NRXN3: variants seen among roughly 807,000 people sequenced by gnomAD.
NRXN3 encodes the protein neurexin 3, also known as neurexin III.
Under a neutral mutation model 137.6 loss-of-function variants are expected in NRXN3, and 32 were observed. The ratio of observed to expected loss-of-function variants is 0.23; its 90% CI spans 0.18 to 0.31. The LOEUF (loss-of-function observed/expected upper bound fraction) is 0.31, where lower values mean the gene tolerates loss of function less well. Among genes scored for constraint, NRXN3 ranks in the 10% least tolerant of loss-of-function variants. NRXN3 has a pLI of 1.00. For synonymous variants in NRXN3, 798 were observed against 784.5 expected (o/e 1.02, Z -0.29); for missense variants, 1,574 against 2,062.5 (o/e 0.76, Z 4.59).
intron 19 of NRXN3, among the ~76,000 whole-genome samples, chr14:79,779,890 A>C (rs1253934227): frequency 3.3e-5 from 5 of 152,096 alleles, no homozygotes; most frequent in Non-Finnish European, 5.9e-5. Flanking sequence ...TTTGAGACAG[A>C]GTCTTGCTCT....
At chr14:79,499,131 C>A (rs1230371304) in intron 16 of NRXN3, among the ~76,000 whole-genome samples, 5 of 152,132 alleles carry the variant, frequency 3.3e-5, no homozygotes, top group Admixed American at 3.3e-4. Flanking sequence ...CAATTAAAAT[C>A]CTCATGTAGC....
At chr14:78,822,971 C>A (rs919686094) in intron 10 of NRXN3, among the ~76,000 whole-genome samples, 2 of 152,138 alleles carry the variant, frequency 1.3e-5, no homozygotes, top group African/African-American at 2.4e-5. Flanking sequence ...GAAGTCTTGA[C>A]CTTCCAGAGT....
intron 15 of NRXN3, among the ~76,000 whole-genome samples, chr14:79,057,477 T>C (rs2099667278): frequency 6.6e-6 from 1 of 152,146 alleles, no homozygotes; most frequent in Admixed American, 6.6e-5. Flanking sequence ...ATAAACAAAA[T>C]GGTTTAGGAA....
chr14:79,496,214 TTCTCTCTC>T (rs149328690), intron 16 of NRXN3, among the ~76,000 whole-genome samples: 3 of 144,644 alleles, frequency 2.1e-5, no homozygotes, highest in East Asian at 2.0e-4. Flanking sequence ...TTGAACTTAA[TTCTCTCTC>T]TCTCTCTCTC....
intron 3 of NRXN3, among the ~76,000 whole-genome samples, chr14:78,292,002 G>A (rs1040791543): frequency 4.6e-5 from 7 of 152,198 alleles, no homozygotes; most frequent in African/African-American, 1.4e-4. Context: ...AAGAAGAATG[G>A]ATTTGAAAAC....
chr14:78,790,687 C>T (rs1426082320), intron 8 of NRXN3, among the ~76,000 whole-genome samples: 1 of 152,070 alleles, frequency 6.6e-6, no homozygotes, highest in Non-Finnish European at 1.5e-5. Context: ...AGGAGAGTGT[C>T]TTGAAGGTAC....
intron 4 of NRXN3, among the ~76,000 whole-genome samples, chr14:78,502,868 C>A (rs1191861203): frequency 6.6e-6 from 1 of 152,156 alleles, no homozygotes; most frequent in Non-Finnish European, 1.5e-5. Flanking sequence ...CAGTGGTTGG[C>A]TGCTCTTAAG....
chr14:79,866,952 G>A lies in NRXN3; in HGVS notation c.*4988G>A, dbSNP rs1011165969. On this transcript the variant is annotated 3_prime_UTR_variant, in exon 21 of 21. Transcript: ENST00000335750. Reference sequence around the variant, plus strand: ...GTCCACTGACAGCACCAGTAGGAAGGCGCTAATGAAAAGATCTCTAAATAT... The same window carrying A: ...GTCCACTGACAGCACCAGTAGGAAGACGCTAATGAAAAGATCTCTAAATAT... The A allele has an allele frequency of 6.6e-6, 1 of 152,174 alleles. No individual in the cohort carries two copies. The highest frequency in any genetic ancestry group is 2.4e-5 in the African/African-American group (1 of 41,452). The allele number at this position is 152,174 out of a possible 1,614,324, so 9.4% of individuals were successfully genotyped here.
chr14:78,611,721 G>A (rs992129359), intron 4 of NRXN3, among the ~76,000 whole-genome samples: 2 of 152,102 alleles, frequency 1.3e-5, no homozygotes, highest in Admixed American at 6.5e-5. Flanking sequence ...TCCTTTCTAC[G>A]ACATGAAAAA....
rs192643488 is a variant in NRXN3 at position 79,722,287 on chromosome 14, G to A, written c.4014+24350G>A. On this transcript the variant is annotated intron_variant, in intron 19 of 20. Coordinates refer to ENST00000335750, the MANE Select transcript of NRXN3 (RefSeq NM_001330195.2). ...CTTCAAGTTTCCACAATATAGTCAG[G>A]AATAACTTTTTGCAGCGCATGTATG... Among the ~76,000 whole-genome samples the A allele has an allele frequency of 2.8e-3, 430 of 152,014 alleles. 1 individual carries two copies. Among genetic ancestry groups the A allele is most frequent in the African/African-American group, 9.4e-3 (389 of 41,450 alleles).
At chr14:79,376,451 T>C (rs889603795) in intron 15 of NRXN3, among the ~76,000 whole-genome samples, 1 of 151,816 alleles carries the variant, frequency 6.6e-6, no homozygotes, top group Non-Finnish European at 1.5e-5. Flanking sequence ...CTCCAATTAA[T>C]TAGCTGAAAA....
intron 4 of NRXN3, among the ~76,000 whole-genome samples, chr14:78,520,886 G>C (rs768138551): frequency 6.6e-6 from 1 of 152,134 alleles, no homozygotes; most frequent in African/African-American, 2.4e-5. Flanking sequence ...GGAGGTACAG[G>C]CATTAATATT....
chr14:79,826,705 A>AT (rs2099303432), intron 20 of NRXN3, among the ~76,000 whole-genome samples: 1 of 152,066 alleles, frequency 6.6e-6, no homozygotes, highest in Admixed American at 6.6e-5. Context: ...CTTTGGGATT[A>AT]TTTTTTTCCC....
Position 79,861,171 on chromosome 14 carries a change from C to T in NRXN3, c.4094-171C>T, listed in dbSNP as rs527674579. 1.3e-6 allele frequency: 2 copies of T among 1,530,818 alleles called. No individual in the cohort carries two copies. The highest frequency in any genetic ancestry group is 2.4e-5 in the South Asian group (2 of 83,212). The allele number at this position is 1,530,818 out of a possible 1,614,324, so 94.8% of individuals were successfully genotyped here. On this transcript the variant is annotated intron_variant, in intron 20 of 20. Transcript: ENST00000335750. This position sits in a 1 kb window ranked among gnomAD's most constrained non-coding sequence, Gnocchi z 5.4. The stretch of plus-strand genomic sequence containing the variant: ...ACCATTATTGAGACCACCAAAGATT[C>T]CCTGTCCATGACCTCTGAGGCGGGG...
chr14:78,224,787 T>C (rs2064310532), intron 1 of NRXN3, among the ~76,000 whole-genome samples: 1 of 103,490 alleles, frequency 9.7e-6, no homozygotes, highest in African/African-American at 3.7e-5. Flanking sequence ...TGAGACGGAG[T>C]CTCGCTCTGT....
chr14:78,631,071 A>G (rs2152533321), intron 4 of NRXN3, among the ~76,000 whole-genome samples: 1 of 152,330 alleles, frequency 6.6e-6, no homozygotes, highest in South Asian at 2.1e-4. Context: ...CATGTTCATT[A>G]TAGTTGGTGT....
At chr14:79,300,272 G>T (rs1036325291) in intron 15 of NRXN3, among the ~76,000 whole-genome samples, 2 of 152,082 alleles carry the variant, frequency 1.3e-5, no homozygotes, top group African/African-American at 4.8e-5. Flanking sequence ...CTTTCTACCA[G>T]ACGCTGGGGA....
intron 1 of NRXN3, among the ~76,000 whole-genome samples, chr14:78,238,430 G>A (rs2066633505): frequency 6.6e-6 from 1 of 152,150 alleles, no homozygotes; most frequent in African/African-American, 2.4e-5. Context: ...GTCTGGCCAG[G>A]TGAAGAGGGC....
intron 8 of NRXN3, among the ~76,000 whole-genome samples, chr14:78,785,859 C>T (rs974380305): frequency 4.6e-5 from 7 of 152,088 alleles, no homozygotes; most frequent in South Asian, 2.1e-4. Context: ...ACCTCACAGC[C>T]GTGGCTTATA....
Sources: gnomAD v4.1 joint callset for allele counts (sites outside exome capture counted in the v4.1 genomes callset) on GRCh38, gnomAD v4.1.1 for gene constraint, Gnocchi (gnomAD v3.1) non-coding constraint, MANE v1.5 for transcripts, NCBI Gene and HGNC (gene_info 2026-07-23, HGNC 2026-07-21) for gene names.